Variants in ATG10 observed in about 807,000 individuals in gnomAD.
ATG10 encodes autophagy related 10, also known as ubiquitin-like-conjugating enzyme ATG10.
Under a neutral mutation model 32.1 loss-of-function variants are expected in ATG10, and 30 were observed. The observed-to-expected ratio is 0.94, with a 90% CI of 0.70 to 1.27. The LOEUF is 1.27. ATG10 is among the 50% of genes most tolerant of loss of function. ATG10 has a pLI of 0.00. For missense variants in ATG10, 233 were observed against 262.3 expected (o/e 0.89, Z 0.77); for synonymous variants, 87 against 91.5 (o/e 0.95, Z 0.28).
At chr5:82,237,745 C>A (rs1259927083) in intron 5 of ATG10, among the ~76,000 whole-genome samples, 1 of 152,114 alleles carries the variant, frequency 6.6e-6, no homozygotes, top group African/African-American at 2.4e-5. Flanking sequence ...CTTTGAGTAG[C>A]CAGGATCACA....
chr5:82,047,507 T>C (rs1763268455), intron 2 of ATG10, among the ~76,000 whole-genome samples: 1 of 152,228 alleles, frequency 6.6e-6, no homozygotes, highest in South Asian at 2.1e-4. Context: ...GTAATAATTC[T>C]TTAAAAACTT....
At chr5:82,094,082 C>G (rs1051285558) in intron 3 of ATG10, among the ~76,000 whole-genome samples, 8 of 152,124 alleles carry the variant, frequency 5.3e-5, no homozygotes, top group African/African-American at 1.9e-4. Context: ...TTCTATGCTG[C>G]TCTCTCCAGT....
intron 5 of ATG10, among the ~76,000 whole-genome samples, chr5:82,223,385 G>A (rs913042989): frequency 2.0e-5 from 3 of 152,140 alleles, no homozygotes; most frequent in African/African-American, 7.2e-5. Flanking sequence ...GAATAACAGT[G>A]GTTAGGTTGG....
At chr5:82,099,343 A>G (rs1349449215) in intron 3 of ATG10, among the ~76,000 whole-genome samples, 1 of 149,618 alleles carries the variant, frequency 6.7e-6, no homozygotes, top group Non-Finnish European at 1.5e-5. Flanking sequence ...TTTAGTTATG[A>G]TGTAACTTAA....
intron 5 of ATG10, among the ~76,000 whole-genome samples, chr5:82,247,588 A>T (rs542146236): frequency 6.6e-6 from 1 of 152,334 alleles, no homozygotes; most frequent in Non-Finnish European, 1.5e-5. Flanking sequence ...GAACATATTT[A>T]TAATAGCTGC....
chr5:82,058,777 T>G (rs1210371528), intron 3 of ATG10, among the ~76,000 whole-genome samples, 175 bp downstream of exon 3: 1 of 152,190 alleles, frequency 6.6e-6, no homozygotes, highest in Non-Finnish European at 1.5e-5. Flanking sequence ...AACTTCAAAC[T>G]TCTTCCCACT....
chr5:82,087,229 A>G (rs1000270564), intron 3 of ATG10, among the ~76,000 whole-genome samples: 2 of 152,212 alleles, frequency 1.3e-5, no homozygotes, highest in Admixed American at 6.5e-5. Flanking sequence ...GGTTTGAAAT[A>G]ATTTAGGAAG....
At chr5:81,981,097 C>A (rs1409923751) in intron 1 of ATG10, among the ~76,000 whole-genome samples, 7 of 152,198 alleles carry the variant, frequency 4.6e-5, no homozygotes, top group Non-Finnish European at 1.0e-4. Flanking sequence ...TACGACTTCT[C>A]TTCTGATGTG....
intron 5 of ATG10, among the ~76,000 whole-genome samples, chr5:82,237,546 A>G (rs1320068195): frequency 6.6e-6 from 1 of 151,828 alleles, no homozygotes; most frequent in Non-Finnish European, 1.5e-5. Context: ...CCGGAGGCTG[A>G]GGCAGGAGAA....
chr5:82,055,244 A>G (rs1406833677), intron 2 of ATG10, among the ~76,000 whole-genome samples: 3 of 152,038 alleles, frequency 2.0e-5, no homozygotes, highest in Non-Finnish European at 4.4e-5. Context: ...ATTGATACTG[A>G]AAAAAAATCA....
At chr5:82,111,642 C>G (rs781261745) in intron 3 of ATG10, among the ~76,000 whole-genome samples, 1 of 151,714 alleles carries the variant, frequency 6.6e-6, no homozygotes, top group Non-Finnish European at 1.5e-5. Context: ...ATAGTGTGCC[C>G]CAGAATAAAA....
intron 3 of ATG10, among the ~76,000 whole-genome samples, chr5:82,102,620 C>T (rs1292468964): frequency 6.6e-6 from 1 of 152,170 alleles, no homozygotes; most frequent in East Asian, 1.9e-4. Flanking sequence ...ATGGCAAACA[C>T]TGTTGAGTTG....
chr5:82,054,613 C>G (rs1763532380), intron 2 of ATG10, among the ~76,000 whole-genome samples: 1 of 152,218 alleles, frequency 6.6e-6, no homozygotes, highest in South Asian at 2.1e-4. Context: ...TAGTGTAAGA[C>G]AAGTTTCTTA....
intron 3 of ATG10, among the ~76,000 whole-genome samples, chr5:82,065,415 G>A (rs1202804832): frequency 6.6e-6 from 1 of 151,868 alleles, no homozygotes; most frequent in Non-Finnish European, 1.5e-5. Context: ...CCAGGAGGCG[G>A]AGGTTGTAGT....
intron 2 of ATG10, among the ~76,000 whole-genome samples, chr5:82,001,266 A>G (rs1761841114): frequency 6.6e-6 from 1 of 152,032 alleles, no homozygotes; most frequent in Non-Finnish European, 1.5e-5. Context: ...CTATCAATCT[A>G]CAATGACATT....
At chr5:82,178,288 T>TA (rs1354726885) in intron 4 of ATG10, among the ~76,000 whole-genome samples, 3 of 152,176 alleles carry the variant, frequency 2.0e-5, no homozygotes, top group Non-Finnish European at 4.4e-5. Flanking sequence ...GCTAGATGGA[T>TA]ACAAAGCTGA....
chr5:82,236,648 A>G (rs1300921237), intron 5 of ATG10, among the ~76,000 whole-genome samples: 1 of 152,200 alleles, frequency 6.6e-6, no homozygotes, highest in African/African-American at 2.4e-5. Context: ...AATTCTAGAA[A>G]GCCTGGTGGT....
chr5:82,212,430 T>C (rs1434931000), intron 5 of ATG10, among the ~76,000 whole-genome samples: 1 of 152,206 alleles, frequency 6.6e-6, no homozygotes, highest in East Asian at 1.9e-4. Flanking sequence ...GCACCTTTAT[T>C]ATCAACTATC....
At chr5:82,102,733 T>A (rs896047376) in intron 3 of ATG10, among the ~76,000 whole-genome samples, 2 of 152,170 alleles carry the variant, frequency 1.3e-5, no homozygotes, top group Non-Finnish European at 2.9e-5. Context: ...ACCATCCTTC[T>A]CACAGTGTTT....
Sources: gnomAD v4.1 joint callset for allele counts (sites outside exome capture counted in the v4.1 genomes callset) on GRCh38, gnomAD v4.1.1 for gene constraint, MANE v1.5 for transcripts, NCBI Gene and HGNC (gene_info 2026-07-23, HGNC 2026-07-21) for gene names.